RARB: variants seen among roughly 807,000 people sequenced by gnomAD.
RARB encodes the protein HBV-activated protein.
A neutral mutation model predicts 51.9 loss-of-function variants in RARB; 17 were observed. The ratio of observed to expected loss-of-function variants is 0.33; its 90% CI spans 0.22 to 0.49. The LOEUF (loss-of-function observed/expected upper bound fraction) is 0.49. Among genes scored for constraint, RARB ranks in the 20% least tolerant of loss-of-function variants. RARB has a pLI of 0.99. For missense variants in RARB, 369 were observed against 550.8 expected (o/e 0.67, Z 3.30); for synonymous variants, 215 against 195.4 (o/e 1.10, Z -0.84).
intron 5 of RARB, among the ~76,000 whole-genome samples, chr3:25,210,970 G>A (rs1275095524): frequency 6.6e-6 from 1 of 152,098 alleles, no homozygotes; most frequent in East Asian, 1.9e-4. Context: ...GTGACTTTGA[G>A]TATATTACCC....
intron 5 of RARB, among the ~76,000 whole-genome samples, chr3:25,245,559 T>C (rs1242568029): frequency 6.6e-6 from 1 of 152,214 alleles, no homozygotes; most frequent in African/African-American, 2.4e-5. Context: ...TCTTCACTTA[T>C]GAAGCTTAGT....
In RARB at chr3:25,596,602, C is replaced by G; in HGVS notation, c.1333C>G (p.Pro445Ala). 1.3e-6 allele frequency: 2 copies of G among 1,599,926 alleles called. No individual in the cohort carries two copies. The highest frequency in any genetic ancestry group is 8.6e-7 in the Non-Finnish European group (1 of 1,169,270). Reference protein sequence around the residue: ...SVENSGVSQSPLVQ With the variant: ...SVENSGVSQSALVQ ...GGAAAACAGTGGGGTCAGTCAGTCACCACTCGTGCAATAAGACATTTTCTA... is the reference window on the plus strand; with the variant it reads ...GGAAAACAGTGGGGTCAGTCAGTCAGCACTCGTGCAATAAGACATTTTCTA... Residue 445 changes from proline to alanine, a missense_variant, in exon 8 of 8, where the codon CCA becomes GCA. Physicochemically the swap from Pro to Ala is conservative, Grantham distance 27. Around this residue, in one of 9 missense-constraint regions of RARB, gnomAD observed 54 missense variants for 43.4 expected, o/e 1.24. Transcript: ENST00000330688.
At chr3:25,403,103 C>T (rs774079682) in intron 5 of RARB, among the ~76,000 whole-genome samples, 2 of 146,364 alleles carry the variant, frequency 1.4e-5, no homozygotes, top group Non-Finnish European at 3.0e-5. Context: ...GCAGAGGTTG[C>T]AGTGAGCTGA....
At chr3:25,036,550 G>T (rs952558433) in intron 2 of RARB, among the ~76,000 whole-genome samples, 7 of 152,094 alleles carry the variant, frequency 4.6e-5, no homozygotes, top group African/African-American at 1.7e-4. Flanking sequence ...ATGTGATGCA[G>T]AATGAGATAA....
At chr3:24,951,877 C>T (rs1437213683) in intron 2 of RARB, among the ~76,000 whole-genome samples, 1 of 152,138 alleles carries the variant, frequency 6.6e-6, no homozygotes, top group Non-Finnish European at 1.5e-5. Flanking sequence ...CCTTTGTTTT[C>T]TTCTGGAGAA....
chr3:25,215,658 G>T (rs1291024186), intron 5 of RARB, among the ~76,000 whole-genome samples: 3 of 152,136 alleles, frequency 2.0e-5, no homozygotes, highest in Non-Finnish European at 4.4e-5. Context: ...CCTTTCTCTC[G>T]ATGATGATTT....
intron 4 of RARB, among the ~76,000 whole-genome samples, chr3:25,146,630 C>T (rs1021977658): frequency 1.3e-5 from 2 of 151,800 alleles, no homozygotes; most frequent in Admixed American, 6.6e-5. Context: ...GCCTCAGCCT[C>T]CCCAGTAGCT....
chr3:24,913,881 G>A (rs1487930137), intron 2 of RARB, among the ~76,000 whole-genome samples: 1 of 152,120 alleles, frequency 6.6e-6, no homozygotes, highest in Non-Finnish European at 1.5e-5. Flanking sequence ...GTGACATTCG[G>A]GGTTTACTCA....
intron 2 of RARB, among the ~76,000 whole-genome samples, chr3:24,940,575 G>C (rs1042778774): frequency 6.6e-6 from 1 of 151,942 alleles, no homozygotes; most frequent in Admixed American, 6.6e-5. Context: ...TTTTTTCCTT[G>C]TCTTGCATCT....
chr3:25,026,118 G>A (rs1490505221), intron 2 of RARB, among the ~76,000 whole-genome samples: 1 of 152,080 alleles, frequency 6.6e-6, no homozygotes, highest in South Asian at 2.1e-4. Context: ...TTTGATAAAA[G>A]CCGTGGGCCT....
At chr3:25,386,557 T>G (rs1022872280) in intron 5 of RARB, among the ~76,000 whole-genome samples, 3 of 152,224 alleles carry the variant, frequency 2.0e-5, no homozygotes, top group Non-Finnish European at 2.9e-5. Context: ...AGGCATGAGA[T>G]GAAAGTATCC....
At chr3:24,949,283 T>A (rs1185512693) in intron 2 of RARB, among the ~76,000 whole-genome samples, 1 of 152,180 alleles carries the variant, frequency 6.6e-6, no homozygotes, top group Non-Finnish European at 1.5e-5. Context: ...GAAACACATA[T>A]CTTTCCTGGT....
intron 5 of RARB, among the ~76,000 whole-genome samples, chr3:25,391,615 T>C (rs1378097538): frequency 6.6e-6 from 1 of 152,010 alleles, no homozygotes; most frequent in East Asian, 1.9e-4. Flanking sequence ...ACATTGAGGT[T>C]TTGATTTCTA....
At position 25,225,181 on chromosome 3, in the gene RARB, G is replaced by A. The variant is rs1436249; in HGVS notation, c.178+50606G>A. 5.6e-3 allele frequency among the ~76,000 whole-genome samples: 858 copies of A among 152,206 alleles called. 14 individuals are homozygous for A. Among genetic ancestry groups the A allele is most frequent in the African/African-American group, 0.018 (759 of 41,526 alleles). On this transcript the variant is annotated intron_variant, in intron 5 of 11. Coordinates refer to the RARB transcript ENST00000383772. ...ATTATTTATAAGATGCTTACTACAT[G>A]TTTAGGTGCTCTATAACACAGGAAT...
chr3:24,853,206 A>G (rs1407074625), intron 1 of RARB, among the ~76,000 whole-genome samples: 1 of 151,622 alleles, frequency 6.6e-6, no homozygotes, highest in Admixed American at 6.6e-5. Context: ...AGTCCCAGCT[A>G]CTGGGGAGGC....
At position 25,548,917 on chromosome 3, in the gene RARB, G is replaced by T. The variant is rs1434085253; in HGVS notation, c.449-20841G>T. Among the ~76,000 whole-genome samples the T allele has an allele frequency of 3.9e-5, 6 of 152,152 alleles. No homozygotes were observed. In the South Asian group the frequency reaches 1.2e-3, roughly 32 times the overall value. On this transcript the variant is annotated intron_variant, in intron 3 of 7. Transcript: ENST00000330688. ...AAGGTATCTAGTTTGGAGGAAGCTT[G>T]GCTCTATATTTTGAGCCCAATACCT...
chr3:24,889,872 A>G (rs781368417), intron 2 of RARB, among the ~76,000 whole-genome samples: 77 of 151,698 alleles, frequency 5.1e-4, no homozygotes, highest in Admixed American at 1.5e-3. Context: ...TTGGCAGACC[A>G]TTCTAAGAAG....
chr3:25,095,951 AGGCTCCACCGCCGG>A (rs1334065282), intron 3 of RARB, among the ~76,000 whole-genome samples: 2 of 152,164 alleles, frequency 1.3e-5, no homozygotes, highest in Admixed American at 1.3e-4. Context: ...GGCAGAAAGC[AGGCTCCACCGCCGG>A]GGAAGTGAAG....
chr3:24,849,662 A>G (rs914175831), intron 1 of RARB, among the ~76,000 whole-genome samples: 18 of 152,238 alleles, frequency 1.2e-4, no homozygotes, highest in Non-Finnish European at 2.5e-4. Context: ...TTTTCTCCAT[A>G]AAGCACATCG....
Sources: gnomAD v4.1 joint callset for allele counts (sites outside exome capture counted in the v4.1 genomes callset) on GRCh38, gnomAD v4.1.1 for gene constraint, gnomAD v4.1.1 regional missense constraint, MANE v1.5 for transcripts, NCBI Gene and HGNC (gene_info 2026-07-23, HGNC 2026-07-21) for gene names.